EXOC6B: variants seen among roughly 807,000 people sequenced by gnomAD.
EXOC6B encodes exocyst complex component 6B, also known as SEC15 homolog B.
In EXOC6B, 54 loss-of-function variants were observed where a neutral mutation model predicts 113.5. The observed-to-expected ratio is 0.48, with a 90% CI of 0.38 to 0.60. The LOEUF is 0.60. EXOC6B is among the 20% of genes least tolerant of loss of function. The probability of loss-of-function intolerance (pLI) is 0.00; values close to 1 mark genes in which losing one functional copy is unlikely to be tolerated. For synonymous variants in EXOC6B, 357 were observed against 339.0 expected, an observed-to-expected ratio of 1.05 and a Z score of -0.58; for missense variants, 797 against 977.5, an observed-to-expected ratio of 0.82 and a Z score of 2.46.
intron 18 of EXOC6B, among the ~76,000 whole-genome samples, chr2:72,408,942 G>T (rs1174352483): frequency 6.6e-6 from 1 of 152,014 alleles, no homozygotes; most frequent in African/African-American, 2.4e-5. Flanking sequence ...CTACAAAATG[G>T]GAGAAAATTT....
rs538628483 is a variant in EXOC6B, at chr2:72,290,982, C to G, written c.2196+43965G>C. Among the ~76,000 whole-genome samples the G allele has an allele frequency of 3.1e-4, 47 of 152,126 alleles. No individual in the cohort carries two copies. The South Asian group carries it at 6.6e-3, about 22-fold the overall frequency. ...ATCTGAATTTTTCTTTAGTTTGCTT[C>G]TTTATCATATATCATTAAAGAATGA... On this transcript the variant is annotated intron_variant, in intron 20 of 21. Transcript: ENST00000272427.
At chr2:72,777,250 A>G (rs1456967407) in intron 1 of EXOC6B, among the ~76,000 whole-genome samples, 1 of 152,212 alleles carries the variant, frequency 6.6e-6, no homozygotes, top group Admixed American at 6.5e-5. Flanking sequence ...TCTCAAAAAA[A>G]GAAAAACAGA....
chr2:72,648,874 T>A (rs915374415), intron 6 of EXOC6B, among the ~76,000 whole-genome samples: 1 of 152,222 alleles, frequency 6.6e-6, no homozygotes, highest in Non-Finnish European at 1.5e-5. Flanking sequence ...CCAGGTGTGC[T>A]GGCTCATGCT....
intron 20 of EXOC6B, among the ~76,000 whole-genome samples, chr2:72,229,360 G>A (rs779050587): frequency 3.3e-5 from 5 of 152,168 alleles, no homozygotes; most frequent in East Asian, 3.9e-4. Context: ...AGAAGCAGGC[G>A]GAGATTAGGA....
intron 20 of EXOC6B, among the ~76,000 whole-genome samples, chr2:72,203,454 T>C (rs1289543157): frequency 6.6e-6 from 1 of 152,178 alleles, no homozygotes; most frequent in Non-Finnish European, 1.5e-5. Context: ...GGAATTTCTA[T>C]TTGCTGGTCA....
At chr2:72,799,256 A>C (rs1685153505) in intron 1 of EXOC6B, among the ~76,000 whole-genome samples, 2 of 150,410 alleles carry the variant, frequency 1.3e-5, no homozygotes, top group Admixed American at 6.6e-5. Context: ...AAAAAAAAAA[A>C]AAAAACAAAC....
At chr2:72,215,564 C>T (rs755081690) in intron 20 of EXOC6B, among the ~76,000 whole-genome samples, 1 of 152,080 alleles carries the variant, frequency 6.6e-6, no homozygotes, top group Non-Finnish European at 1.5e-5. Context: ...GAAAGACAGG[C>T]ACCTTCAAAC....
intron 19 of EXOC6B, among the ~76,000 whole-genome samples, chr2:72,359,912 C>G (rs767925369): frequency 1.3e-5 from 2 of 152,060 alleles, no homozygotes; most frequent in Non-Finnish European, 2.9e-5. Context: ...GCTCCTCCCC[C>G]ACTTCTCTTG....
chr2:72,715,939 A>G (rs947369523), intron 6 of EXOC6B, among the ~76,000 whole-genome samples: 2 of 152,140 alleles, frequency 1.3e-5, no homozygotes, highest in Admixed American at 1.3e-4. Context: ...AGTGTGTTCT[A>G]TGTATGAGAG....
In EXOC6B at chr2:72,340,226, G is replaced by C. The variant is rs113044161; in HGVS notation, c.2123-5206C>G. ...TAGAGTGAGAGTTAGGAGGGGCCTTGAGAAGTCAAAATAACTGAATTAGTC... is the reference window on the plus strand; with the variant it reads ...TAGAGTGAGAGTTAGGAGGGGCCTTCAGAAGTCAAAATAACTGAATTAGTC... On this transcript the variant is annotated intron_variant, in intron 19 of 21. Transcript: ENST00000272427. 1.9e-3 allele frequency among the ~76,000 whole-genome samples: 296 copies of C among 152,270 alleles called. 2 individuals carry two copies. Among genetic ancestry groups the C allele is most frequent in the Middle Eastern group, 6.8e-3 (2 of 294 alleles).
In EXOC6B at chr2:72,825,907, C is replaced by A. The variant is rs1393432707; in HGVS notation, c.4G>T (p.Glu2Ter). The change falls in exon 1 of 22, where the codon GAG becomes TAG. Residue 2 changes from glutamate to a stop codon, truncating the protein, a stop_gained. Transcript: ENST00000272427. LOFTEE classifies it high-confidence loss of function. The surrounding 1 kb of genome is among the most constrained non-coding windows in gnomAD (Gnocchi z 4.4). ...TCCGCCTCCGCCATCTTACCCCGCT[C>A]CATAGACTGGGGGCGCCCCGCAGCG... The part of the protein sequence containing the change: M[E>*]RGKMAEAESL... The A allele has an allele frequency of 2.5e-6, 4 of 1,612,570 alleles. No homozygotes were observed. Among genetic ancestry groups the A allele is most frequent in the Non-Finnish European group, 3.4e-6 (4 of 1,179,604 alleles).
intron 17 of EXOC6B, among the ~76,000 whole-genome samples, chr2:72,466,747 A>C (rs1237201416): frequency 6.6e-6 from 1 of 152,324 alleles, no homozygotes; most frequent in Admixed American, 6.5e-5. Flanking sequence ...AATTGAGCTA[A>C]GTTGGATGCA....
At chr2:72,803,488 A>G (rs971815420) in intron 1 of EXOC6B, among the ~76,000 whole-genome samples, 2 of 152,222 alleles carry the variant, frequency 1.3e-5, no homozygotes, top group Non-Finnish European at 2.9e-5. Flanking sequence ...GGCTTCATTT[A>G]CGAAATTGTG....
chr2:72,784,910 T>A (rs1309671473), intron 1 of EXOC6B, among the ~76,000 whole-genome samples: 1 of 152,042 alleles, frequency 6.6e-6, no homozygotes, highest in Non-Finnish European at 1.5e-5. Context: ...CAGTCCAAAG[T>A]CTCATCTGAG....
At chr2:72,350,010 G>A (rs1394689675) in intron 19 of EXOC6B, among the ~76,000 whole-genome samples, 2 of 152,114 alleles carry the variant, frequency 1.3e-5, no homozygotes, top group Non-Finnish European at 2.9e-5. Flanking sequence ...AGAACATAAA[G>A]TCCAATCCAG....
At chr2:72,736,940 T>C (rs908593222) in intron 2 of EXOC6B, among the ~76,000 whole-genome samples, 1 of 152,144 alleles carries the variant, frequency 6.6e-6, no homozygotes, top group Non-Finnish European at 1.5e-5. Context: ...CTATCTCTGT[T>C]TTCACGCATT....
chr2:72,713,239 G>C (rs545166120), intron 6 of EXOC6B, among the ~76,000 whole-genome samples: 49 of 152,092 alleles, frequency 3.2e-4, no homozygotes, highest in Non-Finnish European at 6.5e-4. Flanking sequence ...AGAATAAAAA[G>C]AGGGATGTTC....
chr2:72,647,812 A>G (rs1673852215), intron 6 of EXOC6B, among the ~76,000 whole-genome samples: 1 of 152,230 alleles, frequency 6.6e-6, no homozygotes, highest in Admixed American at 6.5e-5. Context: ...TGTTAGACCT[A>G]AAACCATAAA....
intron 1 of EXOC6B, among the ~76,000 whole-genome samples, chr2:72,770,631 C>T (rs1381183280): frequency 2.0e-5 from 3 of 152,010 alleles, no homozygotes; most frequent in Non-Finnish European, 2.9e-5. Flanking sequence ...GTTTTTAGAG[C>T]CTTTAGGATT....
Sources: gnomAD v4.1 joint callset for allele counts (sites outside exome capture counted in the v4.1 genomes callset) on GRCh38, gnomAD v4.1.1 for gene constraint, Gnocchi (gnomAD v3.1) non-coding constraint, MANE v1.5 for transcripts, NCBI Gene and HGNC (gene_info 2026-07-23, HGNC 2026-07-21) for gene names.